Variants in GRAMD1C observed in about 807,000 individuals in gnomAD.
GRAMD1C encodes protein Aster-C.
GRAMD1C carries 89 observed loss-of-function variants against 97.8 expected under a neutral mutation model. That is an observed-to-expected ratio of 0.91 (90% CI 0.77 to 1.09). The LOEUF (loss-of-function observed/expected upper bound fraction) is 1.09, where lower values mean the gene tolerates loss of function less well. Ranked by LOEUF, GRAMD1C falls within the 50% of genes least tolerant of loss-of-function variation. GRAMD1C has a pLI of 0.00. For synonymous variants in GRAMD1C, 256 were observed against 267.0 expected (o/e 0.96, Z 0.40); for missense variants, 740 against 766.4 (o/e 0.97, Z 0.41).
At position 113,946,532 on chromosome 3, in the gene GRAMD1C, A is replaced by G. The variant is rs1390057878; in HGVS notation, c.*1054A>G. The G allele has an allele frequency of 6.6e-6, 1 of 152,256 alleles. No homozygotes were observed. Among genetic ancestry groups the G allele is most frequent in the Non-Finnish European group, 1.5e-5 (1 of 68,050 alleles). The allele number at this position is 152,256 out of a possible 1,614,324, so 9.4% of individuals were successfully genotyped here. On this transcript the variant is annotated 3_prime_UTR_variant, in exon 18 of 18. Transcript: ENST00000358160. ...AGTTTTTATGCATATGTGTCTCCATACAAGTGGCTCATTAAAATAAGAACT... is the reference window on the plus strand; with the variant it reads ...AGTTTTTATGCATATGTGTCTCCATGCAAGTGGCTCATTAAAATAAGAACT...
chr3:113,889,832 T>A (rs1452673533), intron 6 of GRAMD1C, among the ~76,000 whole-genome samples: 3 of 152,124 alleles, frequency 2.0e-5, no homozygotes, highest in Non-Finnish European at 4.4e-5. Context: ...GAGACAGGGT[T>A]TCTCCATGTT....
At chr3:113,911,285 G>T (rs995901877) in intron 9 of GRAMD1C, among the ~76,000 whole-genome samples, 2 of 151,602 alleles carry the variant, frequency 1.3e-5, no homozygotes, top group African/African-American at 4.9e-5. Flanking sequence ...GCCCAGGATG[G>T]AGTGCAGTGG....
intron 2 of GRAMD1C, among the ~76,000 whole-genome samples, chr3:113,854,962 T>A (rs144781678): frequency 6.6e-4 from 100 of 152,348 alleles, no homozygotes; most frequent in African/African-American, 2.3e-3. Context: ...ACAAAATTTC[T>A]AGCTGTACCT....
At chr3:113,844,687 T>C in intron 2 of GRAMD1C, 38 bp downstream of exon 2, 4 of 1,469,486 alleles carry the variant, frequency 2.7e-6, no homozygotes, top group Non-Finnish European at 3.7e-6. Context: ...TAATCTTGAA[T>C]ACAAATTTTC....
intron 2 of GRAMD1C, among the ~76,000 whole-genome samples, chr3:113,845,311 C>T (rs570533553): frequency 6.6e-6 from 1 of 152,202 alleles, no homozygotes; most frequent in Non-Finnish European, 1.5e-5. Context: ...AGTTATGAAC[C>T]ATTTGATAGA....
intron 2 of GRAMD1C, among the ~76,000 whole-genome samples, chr3:113,866,799 A>G (rs139723924): frequency 6.6e-6 from 1 of 151,878 alleles, no homozygotes; most frequent in East Asian, 1.9e-4. Context: ...ACCCAGCAAT[A>G]CAGTGTTATG....
chr3:113,864,798 T>C lies in GRAMD1C; in HGVS notation c.175-4709T>C, dbSNP rs1308700328. 2.0e-5 allele frequency among the ~76,000 whole-genome samples: 3 copies of C among 152,180 alleles called. 1 individual carries two copies. Among genetic ancestry groups the C allele is most frequent in the Admixed American group, 2.0e-4 (3 of 15,266 alleles). On this transcript the variant is annotated intron_variant, in intron 2 of 17. Transcript: ENST00000358160. ...TTCTAAGCCATCACCAGAATTTCTC[T>C]TAATGACCCATTTATAGCAATCTAG...
At chr3:113,875,935 T>C (rs997672261) in intron 4 of GRAMD1C, 3 of 441,446 alleles carry the variant, frequency 6.8e-6, no homozygotes, top group African/African-American at 2.0e-5. Flanking sequence ...TCAAACTTTA[T>C]ACTAATGTTA....
chr3:113,876,659 T>C (rs1204850235), intron 5 of GRAMD1C, among the ~76,000 whole-genome samples: 1 of 152,158 alleles, frequency 6.6e-6, no homozygotes, highest in African/African-American at 2.4e-5. Flanking sequence ...ATTCTTTTTT[T>C]AAAAAATGGC....
chr3:113,840,306 G>A (rs1052457865), intron 1 of GRAMD1C, among the ~76,000 whole-genome samples: 6 of 152,164 alleles, frequency 3.9e-5, no homozygotes, highest in African/African-American at 1.2e-4. Flanking sequence ...AAGGTCTCCA[G>A]GGAGAGCAAG....
intron 2 of GRAMD1C, among the ~76,000 whole-genome samples, chr3:113,862,645 T>A (rs1216204097): frequency 6.6e-6 from 1 of 152,108 alleles, no homozygotes; most frequent in Non-Finnish European, 1.5e-5. Flanking sequence ...ATGATGGGAT[T>A]AAGAGATTAA....
intron 2 of GRAMD1C, 150 bp from the exon 3 acceptor site, chr3:113,869,357 C>A: frequency 1.7e-6 from 1 of 572,060 alleles, no homozygotes; most frequent in Non-Finnish European, 3.1e-6. Flanking sequence ...GTCTTCTTTG[C>A]TTCTTTTTGG....
At position 113,940,009 on chromosome 3, in the gene GRAMD1C, C is replaced by T. The variant is rs1321526072; in HGVS notation, c.1802+13C>T. 1 of 1,322,488 alleles carries T rather than the reference C, an allele frequency of 7.6e-7. No individual in the cohort carries two copies. Among genetic ancestry groups the T allele is most frequent in the South Asian group, 1.2e-5 (1 of 84,982 alleles). 81.9% of individuals were successfully genotyped at this position (1,322,488 alleles called of 1,614,324 possible). On this transcript the variant is annotated intron_variant, in intron 16 of 17. Transcript: ENST00000358160. ...AGAAATCTTTAAAGTAAGTCTTTTTCCCCCTGACCTGTATTCACCATATTA... is the reference window on the plus strand; with the variant it reads ...AGAAATCTTTAAAGTAAGTCTTTTTTCCCCTGACCTGTATTCACCATATTA...
intron 1 of GRAMD1C, among the ~76,000 whole-genome samples, chr3:113,843,199 T>C (rs895452685): frequency 5.9e-5 from 9 of 151,732 alleles, no homozygotes; most frequent in African/African-American, 2.2e-4. Context: ...CTCAGCCTCC[T>C]GAACAACTGG....
chr3:113,931,756 T>C (rs1256625279), intron 11 of GRAMD1C, among the ~76,000 whole-genome samples: 1 of 151,964 alleles, frequency 6.6e-6, no homozygotes, highest in Admixed American at 6.6e-5. Flanking sequence ...CAGTGACACT[T>C]TGTCTTTACC....
intron 2 of GRAMD1C, among the ~76,000 whole-genome samples, chr3:113,853,388 A>G (rs1171624479): frequency 6.6e-6 from 1 of 152,228 alleles, no homozygotes; most frequent in Non-Finnish European, 1.5e-5. Context: ...TATGAATCTA[A>G]TAGCAGTTTC....
At chr3:113,939,824 C>A in intron 15 of GRAMD1C, 62 bp from the exon 16 acceptor site, 1 of 835,892 alleles carries the variant, frequency 1.2e-6, no homozygotes, top group South Asian at 1.4e-5. Context: ...CATGTATATT[C>A]TGCATTAGCA....
At chr3:113,907,131 G>A (rs999032065) in intron 8 of GRAMD1C, among the ~76,000 whole-genome samples, 2 of 152,130 alleles carry the variant, frequency 1.3e-5, no homozygotes, top group African/African-American at 4.8e-5. Flanking sequence ...ATAGTTCCTA[G>A]CACACATTAA....
At chr3:113,943,682 G>C (rs979805414) in intron 17 of GRAMD1C, among the ~76,000 whole-genome samples, 10 of 152,200 alleles carry the variant, frequency 6.6e-5, no homozygotes, top group Non-Finnish European at 1.5e-4. Flanking sequence ...GGGAGGCCAA[G>C]GCAGGCAGAT....
Sources: gnomAD v4.1 joint callset for allele counts (sites outside exome capture counted in the v4.1 genomes callset) on GRCh38, gnomAD v4.1.1 for gene constraint, MANE v1.5 for transcripts, NCBI Gene and HGNC (gene_info 2026-07-23, HGNC 2026-07-21) for gene names.